SLC22A31: variants seen among roughly 807,000 people sequenced by gnomAD.
SLC22A31 encodes putative solute carrier family 22 member 31.
A neutral mutation model predicts 27.4 loss-of-function variants in SLC22A31; 42 were observed. The ratio of observed to expected loss-of-function variants is 1.53; its 90% CI spans 1.20 to 1.98. The LOEUF (loss-of-function observed/expected upper bound fraction) is 1.98. SLC22A31 is among the 30% of genes most tolerant of loss of function. SLC22A31 has a pLI of 0.00. For missense variants in SLC22A31, 593 were observed against 479.9 expected (o/e 1.24, Z -2.20); for synonymous variants, 290 against 230.8 (o/e 1.26, Z -2.33).
In SLC22A31 at chr16:89,196,106, G is replaced by A. The variant is rs775748555; in HGVS notation, c.1234C>T (p.Arg412Cys). The stretch of plus-strand genomic sequence containing the variant: ...CGCAGGAGTGGGGAGCGGCGCAGGC[G>A]GTCGGCGTCCTGCAGTGACTGGGGC... ...GLPQSLQDAD[R>C]LRRSPLLRGR... Residue 412 changes from arginine to cysteine, a missense_variant, in exon 9 of 9, where the codon CGC becomes TGC. By Grantham distance (180) the Arg-to-Cys change is radical (BLOSUM62 -3). Transcript: ENST00000682282. 212 of 1,534,020 alleles carry A rather than the reference G, an allele frequency of 1.4e-4. No homozygotes were observed. Among genetic ancestry groups the A allele is most frequent in the Non-Finnish European group, 1.6e-4 (178 of 1,146,362 alleles).
chr16:89,198,442 G>A lies in SLC22A31; in HGVS notation c.707C>T (p.Ser236Leu), dbSNP rs772997484. ...GGACCCCAGCCCTTCCTCGACTCAC[G>A]AGCTGAAGCCCAAGATAAGCCCGTT... is the stretch of plus-strand genomic sequence containing the variant. ...WRNGLILGFS[S>L]LVGGGIRASF... Residue 236 changes from serine to leucine, a missense_variant and splice_region_variant, in exon 6 of 9, where the codon TCG becomes TTG. By Grantham distance (145) the Ser-to-Leu change is moderately radical. Transcript: ENST00000682282. 8 of 1,517,094 alleles carry A rather than the reference G, an allele frequency of 5.3e-6. No individual in the cohort carries two copies. Among genetic ancestry groups the A allele is most frequent in the African/African-American group, 2.8e-5 (2 of 72,496 alleles). 94.0% of individuals were successfully genotyped at this position (1,517,094 alleles called of 1,614,324 possible). A position where few individuals can be genotyped will look rare whatever the true frequency, so the allele number is the denominator to read the frequency against.
At chr16:89,197,550 G>A (rs1474047663) in intron 7 of SLC22A31, 141 bp from the exon 8 acceptor site, 1 of 619,780 alleles carries the variant, frequency 1.6e-6, no homozygotes, top group Admixed American at 2.8e-5. Flanking sequence ...TGAGAAACCT[G>A]GAGGGGGAAC....
rs1391006096 is a variant in SLC22A31, at chr16:89,198,344, A to G, written c.708-8T>C. The G allele has an allele frequency of 2.0e-6, 3 of 1,535,662 alleles. No individual in the cohort carries two copies. Among genetic ancestry groups the G allele is most frequent in the Admixed American group, 2.0e-5 (1 of 50,972 alleles). On this transcript the variant is annotated splice_polypyrimidine_tract_variant and splice_region_variant and intron_variant, in intron 6 of 8. Transcript: ENST00000682282. ...ATGCCTCCACCAACCAGCCTGGGAG[A>G]GAGAGCAAATCTATGGGCCCAGCCA...
In SLC22A31 at chr16:89,198,501, T is replaced by G. The variant is rs918719154; in HGVS notation, c.648A>C (p.Pro216=). Residue 216 remains proline, a synonymous_variant, in exon 6 of 9, where the codon CCA becomes CCC. Transcript: ENST00000682282. ...ARSPQPRYHS[P]LGLLRTRVTW... is the part of the protein sequence containing the mutation. ...TGACTCGGGTACGCAGAAGCCCCAGTGGGGAGTGGTACCGGGGCTGGGGGC... is the reference window on the plus strand; with the variant it reads ...TGACTCGGGTACGCAGAAGCCCCAGGGGGGAGTGGTACCGGGGCTGGGGGC... 1.3e-6 allele frequency: 2 copies of G among 1,517,552 alleles called. No individual in the cohort carries two copies. Among genetic ancestry groups the G allele is most frequent in the Non-Finnish European group, 1.8e-6 (2 of 1,136,968 alleles). The allele number at this position is 1,517,552 out of a possible 1,614,324, so 94.0% of individuals were successfully genotyped here.
At position 89,196,722 on chromosome 16, in the gene SLC22A31, C is replaced by T. The variant is rs573305083; in HGVS notation, c.1035-417G>A. Among the ~76,000 whole-genome samples, 9 of 152,186 alleles carry T rather than the reference C, an allele frequency of 5.9e-5. No individual in the cohort carries two copies. The South Asian group carries it at 1.5e-3, about 25-fold the overall frequency. On this transcript the variant is annotated intron_variant, in intron 8 of 8. Coordinates refer to ENST00000682282, the MANE Select transcript of SLC22A31 (RefSeq NM_001384763.1). ...CAGCACTTTGGGAGGCCAAGGCAGG[C>T]GGATCATGAGGTCAGGAGATCGAGA...
At chr16:89,200,070 T>C in intron 1 of SLC22A31, 2 of 356,010 alleles carry the variant, frequency 5.6e-6, no homozygotes, top group Non-Finnish European at 1.0e-5. Flanking sequence ...TGTCCCTAGA[T>C]AGGGCCTCCC....
chr16:89,201,255 G>A (rs1202312644), upstream of SLC22A31: 1 of 365,500 alleles, frequency 2.7e-6, no homozygotes, highest in Non-Finnish European at 4.9e-6. Flanking sequence ...CAGGGACGGG[G>A]GCGCACCTGG....
chr16:89,199,878 G>A, intron 1 of SLC22A31, 62 bp from the exon 2 acceptor site: 1 of 401,096 alleles, frequency 2.5e-6, no homozygotes. Context: ...ACAGGTGCAG[G>A]GAGTCCCAGA....
chr16:89,197,491 ACAC>A (rs2151610596), intron 7 of SLC22A31, 82 bp from the exon 8 acceptor site: 2 of 988,700 alleles, frequency 2.0e-6, no homozygotes, highest in Admixed American at 4.6e-5. Context: ...CCAGAGAACC[ACAC>A]CACTGTCTGG....
chr16:89,198,789 G>A lies in SLC22A31; in HGVS notation c.461C>T (p.Ala154Val). The change falls in exon 5 of 9, where the codon GCC becomes GTC. Residue 154 changes from alanine (A) to valine (V), a missense_variant. Transcript: ENST00000682282. ...CCAGCAGGGAGACTCGGGGAACAGG[G>A]CCGGGAACCTGCAGCGTTGGTGAGG... Reference protein sequence around the residue: ...GLLLLFWGFPALFPESPCWLL... With the variant: ...GLLLLFWGFPVLFPESPCWLL... 6.5e-7 allele frequency: 1 copy of A among 1,530,590 alleles called. No homozygotes were observed. The highest frequency in any genetic ancestry group is 8.8e-7 in the Non-Finnish European group (1 of 1,142,602). 94.8% of individuals were successfully genotyped at this position (1,530,590 alleles called of 1,614,324 possible).
rs770918494 is a variant in SLC22A31, at chr16:89,198,710, T to G, written c.540A>C (p.Ala180=). The change falls in exon 5 of 9, where the codon GCA becomes GCC. Residue 180 remains alanine (A), a synonymous_variant. Transcript: ENST00000682282. Reference sequence around the variant, plus strand: ...CCCCGGGGCCCACGCCACTGGCTTCTGCAAAGCGCCACAGGATCTTCCTGG... The same window carrying G: ...CCCCGGGGCCCACGCCACTGGCTTCGGCAAAGCGCCACAGGATCTTCCTGG... The part of the protein sequence containing the change: ...ARARKILWRF[A]EASGVGPGDS... The G allele has an allele frequency of 1.3e-6, 2 of 1,535,758 alleles. No homozygotes were observed. Among genetic ancestry groups the G allele is most frequent in the South Asian group, 2.4e-5 (2 of 84,054 alleles).
intron 1 of SLC22A31, 156 bp from the exon 2 acceptor site, chr16:89,199,972 C>T: frequency 2.5e-6 from 1 of 398,026 alleles, no homozygotes. Flanking sequence ...GGGCAAGGGG[C>T]TTGGTCCAGG....
At chr16:89,197,945 G>C (rs149041299) in intron 7 of SLC22A31, among the ~76,000 whole-genome samples, 177 bp downstream of exon 7, 2 of 152,322 alleles carry the variant, frequency 1.3e-5, no homozygotes, top group African/African-American at 2.4e-5. Flanking sequence ...CCTTACTTTA[G>C]GCCAGTCACA....
upstream of SLC22A31, among the ~76,000 whole-genome samples, chr16:89,200,718 G>A (rs549471271): frequency 1.4e-3 from 206 of 151,456 alleles, no homozygotes; most frequent in African/African-American, 4.7e-3. Flanking sequence ...CAGCCCCAGC[G>A]CGGAAAGGCA....
At position 89,198,635 on chromosome 16, in the gene SLC22A31, C is replaced by A; in HGVS notation, c.598+17G>T. The A allele has an allele frequency of 6.5e-7, 1 of 1,532,734 alleles. No individual in the cohort carries two copies. The highest frequency in any genetic ancestry group is 8.7e-7 in the Non-Finnish European group (1 of 1,144,430). The allele number at this position is 1,532,734 out of a possible 1,614,324, so 94.9% of individuals were successfully genotyped here. ...CTCCAGTACCTGAATCTCCCTCCTCCCTGGTAGGCGCCTGACCTGTAGCCA... is the reference window on the plus strand; with the variant it reads ...CTCCAGTACCTGAATCTCCCTCCTCACTGGTAGGCGCCTGACCTGTAGCCA... On this transcript the variant is annotated intron_variant, in intron 5 of 8. Transcript: ENST00000682282.
intron 7 of SLC22A31, among the ~76,000 whole-genome samples, chr16:89,197,627 C>T (rs1309077590): frequency 3.9e-5 from 6 of 152,218 alleles, no homozygotes; most frequent in Admixed American, 1.3e-4. Context: ...GACCCCGAGC[C>T]GCAGCCACAC....
rs1372739361 is a variant in SLC22A31 at position 89,198,548 on chromosome 16, G to C, written c.601C>G (p.Leu201Val). Reference protein sequence around the residue: ...SLEENSLATELTMLSARSPQP... With the variant: ...SLEENSLATEVTMLSARSPQP... ...GGGCTCCGTGCAGACAGCATGGTCA[G>C]CTCTGTAGCCGCAGAGATGTGAGGG... The change falls in exon 6 of 9, where the codon CTG becomes GTG. Residue 201 changes from leucine to valine, a missense_variant and splice_region_variant. Transcript: ENST00000682282. 4 of 1,508,144 alleles carry C rather than the reference G, an allele frequency of 2.7e-6. No homozygotes were observed. The highest frequency in any genetic ancestry group is 4.0e-5 in the Admixed American group (2 of 49,504). The allele number at this position is 1,508,144 out of a possible 1,614,324, so 93.4% of individuals were successfully genotyped here. A position where few individuals can be genotyped will look rare whatever the true frequency, so the allele number is the denominator to read the frequency against.
At chr16:89,201,272 G>C (rs1916593431), upstream of SLC22A31, 2 of 360,652 alleles carry the variant, frequency 5.5e-6, no homozygotes, top group East Asian at 8.2e-5. Flanking sequence ...CTGGGTGACC[G>C]GGCTTTGCAG....
chr16:89,198,990 G>A (rs756289384), intron 4 of SLC22A31, 33 bp downstream of exon 4: 1 of 1,529,126 alleles, frequency 6.5e-7, no homozygotes, highest in Non-Finnish European at 8.8e-7. Flanking sequence ...CAGCCCCGAT[G>A]AGGGCTGCTG....
Sources: allele counts gnomAD v4.1 joint callset (sites outside exome capture counted in the v4.1 genomes callset), GRCh38; gene constraint gnomAD v4.1.1; transcripts MANE v1.5; gene names NCBI Gene and HGNC (gene_info 2026-07-23, HGNC 2026-07-21).